The following CCDC150 variants were observed in gnomAD, a reference collection of about 807,000 sequenced individuals.
CCDC150 encodes coiled-coil domain-containing protein 150.
CCDC150 carries 151 observed loss-of-function variants against 156.5 expected under a neutral mutation model. The observed-to-expected ratio is 0.97, with a 90% confidence interval of 0.85 to 1.10. The LOEUF (loss-of-function observed/expected upper bound fraction) is 1.10, where lower values mean the gene tolerates loss of function less well. CCDC150 is among the 50% of genes least tolerant of loss of function. The probability of loss-of-function intolerance (pLI) is 0.00; values close to 1 mark genes in which losing one functional copy is unlikely to be tolerated. For missense variants in CCDC150, 1,312 were observed against 1,268.1 expected, an observed-to-expected ratio of 1.03 and a Z score of -0.53; for synonymous variants, 452 against 429.4, an observed-to-expected ratio of 1.05 and a Z score of -0.65.
chr2:196,671,530 C>A (rs527512302), intron 8 of CCDC150, among the ~76,000 whole-genome samples: 22 of 147,256 alleles, frequency 1.5e-4, no homozygotes, highest in African/African-American at 5.0e-4. Context: ...TGGGTTCAAG[C>A]GATTCTCCTG....
intron 2 of CCDC150, among the ~76,000 whole-genome samples, chr2:196,650,050 G>A (rs975111698): frequency 4.6e-5 from 7 of 152,280 alleles, no homozygotes; most frequent in Middle Eastern, 6.8e-3. Context: ...TAGAATTGGT[G>A]AGAGTGGGCA....
chr2:196,712,808 C>T, intron 17 of CCDC150, 69 bp downstream of exon 17: 1 of 1,151,602 alleles, frequency 8.7e-7, no homozygotes, highest in Non-Finnish European at 1.3e-6. Context: ...TCATAGTTCA[C>T]ATAATATTTT....
At chr2:196,706,911 G>C (rs1472601807) in intron 15 of CCDC150, among the ~76,000 whole-genome samples, 3 of 152,166 alleles carry the variant, frequency 2.0e-5, no homozygotes, top group Non-Finnish European at 4.4e-5. Context: ...GATTTGTTTT[G>C]CCAGTATTTT....
chr2:196,669,944 C>G, intron 8 of CCDC150, 68 bp downstream of exon 8: 4 of 1,189,852 alleles, frequency 3.4e-6, no homozygotes, highest in Non-Finnish European at 4.8e-6. Flanking sequence ...TTTCCTCTTC[C>G]ATGTTGGCTT....
At chr2:196,657,445 A>G (rs1213120560) in intron 4 of CCDC150, 1 of 243,596 alleles carries the variant, frequency 4.1e-6, no homozygotes, top group Non-Finnish European at 8.0e-6. Context: ...AGAACAAGCT[A>G]CAGCATGAGA....
intron 15 of CCDC150, among the ~76,000 whole-genome samples, chr2:196,707,413 G>T (rs1198335132): frequency 6.6e-6 from 1 of 151,502 alleles, no homozygotes; most frequent in Non-Finnish European, 1.5e-5. Flanking sequence ...TTCTTTATTA[G>T]TCTTGCTAGC....
In CCDC150 at chr2:196,680,657, T is replaced by C. The variant is rs192356603; in HGVS notation, c.1509+3296T>C. Among the ~76,000 whole-genome samples the C allele has an allele frequency of 1.2e-3, 177 of 152,312 alleles. 1 individual carries two copies. The highest frequency in any genetic ancestry group is 4.1e-3 in the African/African-American group (171 of 41,574). ...TGGGCTTTCAGGTTGTTTCAACTTT[T>C]TGGGTATTAATGATTCTGTGAGCAT... On this transcript the variant is annotated intron_variant, in intron 13 of 27. Transcript: ENST00000389175.
At chr2:196,697,695 T>C (rs1695920627) in intron 14 of CCDC150, among the ~76,000 whole-genome samples, 1 of 152,156 alleles carries the variant, frequency 6.6e-6, no homozygotes, top group Non-Finnish European at 1.5e-5. Context: ...TTCAAAATAA[T>C]AAAAAACTTT....
intron 15 of CCDC150, among the ~76,000 whole-genome samples, chr2:196,709,539 G>A (rs952550974): frequency 6.6e-6 from 1 of 152,174 alleles, no homozygotes; most frequent in African/African-American, 2.4e-5. Flanking sequence ...GTCCAGCTTT[G>A]TTCCGTTGCT....
At chr2:196,647,425 A>AT (rs1692612420) in intron 2 of CCDC150, among the ~76,000 whole-genome samples, 1 of 152,102 alleles carries the variant, frequency 6.6e-6, no homozygotes, top group South Asian at 2.1e-4. Context: ...TATTTAACAT[A>AT]TTTTATCACT....
intron 22 of CCDC150, among the ~76,000 whole-genome samples, chr2:196,728,192 T>A (rs997617981): frequency 6.6e-6 from 1 of 152,138 alleles, no homozygotes; most frequent in Non-Finnish European, 1.5e-5. Context: ...ATTTGTAAAG[T>A]AATTATCACA....
chr2:196,665,774 C>T, intron 6 of CCDC150, 91 bp downstream of exon 6: 1 of 629,000 alleles, frequency 1.6e-6, no homozygotes, highest in Non-Finnish European at 2.6e-6. Flanking sequence ...TTACTAATTG[C>T]CTCTAGATTT....
chr2:196,713,471 A>G (rs1697275536), intron 17 of CCDC150: 3 of 1,550,712 alleles, frequency 1.9e-6, no homozygotes, highest in Non-Finnish European at 2.6e-6. Context: ...TGGTTTGCCT[A>G]GTGTTATTCC....
At chr2:196,731,013 A>C (rs1358433373) in intron 26 of CCDC150, 68 bp downstream of exon 26, 1 of 1,152,708 alleles carries the variant, frequency 8.7e-7, no homozygotes, top group Non-Finnish European at 1.2e-6. Flanking sequence ...AAGCAACCCA[A>C]GTCAATGTGA....
chr2:196,646,157 G>A (rs1397949124), intron 1 of CCDC150, among the ~76,000 whole-genome samples, 184 bp from the exon 2 acceptor site: 1 of 152,200 alleles, frequency 6.6e-6, no homozygotes, highest in Non-Finnish European at 1.5e-5. Context: ...AGGGAAAAGA[G>A]AGAGATGGTG....
At chr2:196,666,537 G>T (rs1693849621) in intron 6 of CCDC150, among the ~76,000 whole-genome samples, 182 bp from the exon 7 acceptor site, 1 of 152,128 alleles carries the variant, frequency 6.6e-6, no homozygotes, top group Non-Finnish European at 1.5e-5. Flanking sequence ...TGCACAGAAG[G>T]TTCTATTGGA....
intron 2 of CCDC150, among the ~76,000 whole-genome samples, chr2:196,648,256 A>G (rs1045294104): frequency 6.6e-6 from 1 of 152,128 alleles, no homozygotes; most frequent in African/African-American, 2.4e-5. Context: ...ATTCCCATCA[A>G]CTATGTACGG....
chr2:196,658,138 G>A (rs1472439253), intron 4 of CCDC150, among the ~76,000 whole-genome samples: 2 of 152,126 alleles, frequency 1.3e-5, no homozygotes, highest in African/African-American at 4.8e-5. Flanking sequence ...ATTGAAAATA[G>A]GGAGAGAAAT....
chr2:196,713,040 A>C (rs1050319608), intron 17 of CCDC150: 12 of 469,692 alleles, frequency 2.6e-5, no homozygotes, highest in South Asian at 3.9e-5. Context: ...CAAGGAACTA[A>C]AATATGTTTT....
Sources: gnomAD v4.1 joint callset for allele counts (sites outside exome capture counted in the v4.1 genomes callset) on GRCh38, gnomAD v4.1.1 for gene constraint, MANE v1.5 for transcripts, NCBI Gene and HGNC (gene_info 2026-07-23, HGNC 2026-07-21) for gene names.